CADPS: variants seen among roughly 807,000 people sequenced by gnomAD.
The protein encoded by CADPS is calcium dependent secretion activator, also known as calcium-dependent secretion activator 1.
CADPS carries 57 observed loss-of-function variants against 167.3 expected under a neutral mutation model. The observed-to-expected ratio is 0.34, with a 90% CI of 0.28 to 0.42. CADPS has a LOEUF of 0.42. Ranked by LOEUF, CADPS falls within the 20% of genes least tolerant of loss-of-function variation. CADPS has a pLI of 1.00. For synonymous variants in CADPS, 676 were observed against 635.3 expected, an observed-to-expected ratio of 1.06 and a Z score of -0.96; for missense variants, 1,414 against 1,738.1, an observed-to-expected ratio of 0.81 and a Z score of 3.32.
chr3:62,510,941 G>A (rs1325934045), intron 17 of CADPS, among the ~76,000 whole-genome samples: 1 of 152,136 alleles, frequency 6.6e-6, no homozygotes, highest in Admixed American at 6.6e-5. Flanking sequence ...ACTATACCAA[G>A]CTTCAAACCC....
intron 28 of CADPS, among the ~76,000 whole-genome samples, chr3:62,408,258 A>G (rs937843216): frequency 6.6e-6 from 1 of 152,226 alleles, no homozygotes; most frequent in Non-Finnish European, 1.5e-5. Context: ...GGGTTGTACA[A>G]GTGCAGGATC....
chr3:62,431,031 C>T lies in CADPS; in HGVS notation c.3777+7073G>A, dbSNP rs544634517. Among the ~76,000 whole-genome samples the T allele has an allele frequency of 1.2e-3, 177 of 152,074 alleles. 1 individual carries two copies. The highest frequency in any genetic ancestry group is 3.6e-3 in the African/African-American group (149 of 41,376). On this transcript the variant is annotated intron_variant, in intron 28 of 29. Transcript: ENST00000383710. ...ATGTCCTAGTAGCCTGGCTGACATG[C>T]TCTTTAGCTTCATAATTGAGGATAG...
intron 6 of CADPS, among the ~76,000 whole-genome samples, chr3:62,610,236 C>CCTTTT (rs1200072728): frequency 2.0e-5 from 3 of 148,602 alleles, no homozygotes; most frequent in Non-Finnish European, 4.5e-5. Context: ...TCTTTTTCTT[C>CCTTTT]CTTTTCTTTT....
At chr3:62,595,311 T>C (rs528196224) in intron 6 of CADPS, among the ~76,000 whole-genome samples, 11 of 152,234 alleles carry the variant, frequency 7.2e-5, no homozygotes, top group African/African-American at 2.6e-4. Flanking sequence ...GAGGTACAGA[T>C]AGAAGCTCCT....
At chr3:62,542,140 C>G (rs538108810) in intron 11 of CADPS, among the ~76,000 whole-genome samples, 3 of 152,212 alleles carry the variant, frequency 2.0e-5, no homozygotes, top group African/African-American at 4.8e-5. Flanking sequence ...GAAAGAGGCT[C>G]TTCTCTCTCA....
At chr3:62,580,749 T>C (rs2083274155) in intron 8 of CADPS, among the ~76,000 whole-genome samples, 1 of 152,184 alleles carries the variant, frequency 6.6e-6, no homozygotes, top group South Asian at 2.1e-4. Context: ...TAAGAGAATG[T>C]GTGCCTTGCT....
intron 4 of CADPS, among the ~76,000 whole-genome samples, chr3:62,659,552 A>G (rs563747158): frequency 1.3e-5 from 2 of 152,234 alleles, no homozygotes; most frequent in Non-Finnish European, 2.9e-5. Flanking sequence ...CTCTGTTTCT[A>G]TGTGTTGGCT....
rs796185624 is a variant in CADPS at position 62,433,630 on chromosome 3, A to G, written c.3777+4474T>C. ...CCAGTGCGGATGCGGCATTACTACCAATGTGGATTCCATCCAAGTTCGAGA... is the reference window on the plus strand; with the variant it reads ...CCAGTGCGGATGCGGCATTACTACCGATGTGGATTCCATCCAAGTTCGAGA... On this transcript the variant is annotated intron_variant, in intron 28 of 29. Transcript: ENST00000383710. The surrounding 1 kb of genome is among the most constrained non-coding windows in gnomAD (Gnocchi z 4.7). 3.3e-5 allele frequency among the ~76,000 whole-genome samples: 5 copies of G among 152,286 alleles called. No individual in the cohort carries two copies. Among genetic ancestry groups the G allele is most frequent in the African/African-American group, 1.2e-4 (5 of 41,560 alleles).
intron 6 of CADPS, among the ~76,000 whole-genome samples, chr3:62,644,458 C>A (rs1393558317): frequency 6.6e-6 from 1 of 152,080 alleles, no homozygotes; most frequent in Non-Finnish European, 1.5e-5. Flanking sequence ...TGAAACAGTA[C>A]CCTAACTGAC....
At chr3:62,590,494 T>A (rs1302755910) in intron 7 of CADPS, among the ~76,000 whole-genome samples, 1 of 152,222 alleles carries the variant, frequency 6.6e-6, no homozygotes, top group Non-Finnish European at 1.5e-5. Context: ...TCCCCTTTCC[T>A]CCCACTTTTC....
At chr3:62,549,760 T>A in intron 11 of CADPS, 143 bp downstream of exon 11, 1 of 671,842 alleles carries the variant, frequency 1.5e-6, no homozygotes, top group Non-Finnish European at 2.5e-6. Context: ...TTGCCCCAAC[T>A]TTCCCCCTGA....
At chr3:62,484,318 AATATT>A (rs1410854036) in intron 21 of CADPS, among the ~76,000 whole-genome samples, 3 of 152,190 alleles carry the variant, frequency 2.0e-5, no homozygotes, top group African/African-American at 7.2e-5. Context: ...TTCTAAGCAT[AATATT>A]TTACTAATAT....
intron 1 of CADPS, among the ~76,000 whole-genome samples, chr3:62,828,415 A>C (rs1304818073): frequency 6.6e-6 from 1 of 152,162 alleles, no homozygotes; most frequent in Non-Finnish European, 1.5e-5. Context: ...TTGGGCAAAA[A>C]CGTGGAACTA....
intron 3 of CADPS, among the ~76,000 whole-genome samples, chr3:62,718,666 C>T (rs867714629): frequency 1.3e-5 from 2 of 152,168 alleles, no homozygotes; most frequent in South Asian, 4.1e-4. Context: ...AAACTCCAGT[C>T]CTCTAAGGTT....
At chr3:62,809,022 C>T (rs750318779) in intron 1 of CADPS, among the ~76,000 whole-genome samples, 3 of 152,138 alleles carry the variant, frequency 2.0e-5, no homozygotes, top group Non-Finnish European at 4.4e-5. Context: ...CTTTCTTTTT[C>T]CTTCACTTAA....
At chr3:62,845,034 A>C (rs1376822430) in intron 1 of CADPS, among the ~76,000 whole-genome samples, 1 of 152,242 alleles carries the variant, frequency 6.6e-6, no homozygotes, top group Non-Finnish European at 1.5e-5. Flanking sequence ...TCGTCATCAC[A>C]GGGTGGTACT....
intron 1 of CADPS, among the ~76,000 whole-genome samples, chr3:62,863,178 A>C (rs2081117635): frequency 6.6e-6 from 1 of 152,186 alleles, no homozygotes; most frequent in Admixed American, 6.5e-5. Context: ...TTATACATTG[A>C]AGTAAGGTGT....
chr3:62,517,949 T>C (rs1322017162), intron 14 of CADPS, among the ~76,000 whole-genome samples, 200 bp downstream of exon 14: 1 of 152,212 alleles, frequency 6.6e-6, no homozygotes, highest in East Asian at 1.9e-4. Context: ...GTTCTTTAAG[T>C]GGAAATAACA....
At chr3:62,577,270 T>C (rs914375917) in intron 8 of CADPS, among the ~76,000 whole-genome samples, 2 of 152,210 alleles carry the variant, frequency 1.3e-5, no homozygotes, top group Non-Finnish European at 2.9e-5. Context: ...ATTAGTAACA[T>C]GGCTCTTTTT....
Sources: gnomAD v4.1 joint callset for allele counts (sites outside exome capture counted in the v4.1 genomes callset) on GRCh38, gnomAD v4.1.1 for gene constraint, Gnocchi (gnomAD v3.1) non-coding constraint, MANE v1.5 for transcripts, NCBI Gene and HGNC (gene_info 2026-07-23, HGNC 2026-07-21) for gene names.